The following P4HTM variants were observed in gnomAD, a reference collection of about 807,000 sequenced individuals.
The protein encoded by P4HTM is prolyl 4-hydroxylase, transmembrane, also known as transmembrane prolyl 4-hydroxylase.
In P4HTM, 33 loss-of-function variants were observed where a neutral mutation model predicts 55.3. The observed-to-expected ratio is 0.60, with a 90% CI of 0.45 to 0.80. The LOEUF is 0.80. Ranked by LOEUF, P4HTM falls within the 30% of genes least tolerant of loss-of-function variation. The probability of loss-of-function intolerance (pLI) is 0.00; values close to 1 mark genes in which losing one functional copy is unlikely to be tolerated. For synonymous variants in P4HTM, 272 were observed against 286.4 expected (o/e 0.95, Z 0.51); for missense variants, 542 against 696.5 (o/e 0.78, Z 2.50).
chr3:49,001,178 G>A, intron 2 of P4HTM: 1 of 519,462 alleles, frequency 1.9e-6, no homozygotes, highest in Non-Finnish European at 3.5e-6. Context: ...GGTTAGCTCT[G>A]GCTCACCTCC....
Position 49,002,118 on chromosome 3 carries a change from A to G in P4HTM, c.628-382A>G, listed in dbSNP as rs1299892800. ...GGTCTTTCTGAGGGATCTGGTGGTCATGCCCTAACCAGGTCTCCCCCTGGT... is the reference window on the plus strand; with the variant it reads ...GGTCTTTCTGAGGGATCTGGTGGTCGTGCCCTAACCAGGTCTCCCCCTGGT... On this transcript the variant is annotated intron_variant, in intron 3 of 8. Coordinates refer to ENST00000383729, the MANE Select transcript of P4HTM (RefSeq NM_177939.3). This position sits in a 1 kb window ranked among gnomAD's most constrained non-coding sequence, Gnocchi z 4.4. 3.3e-5 allele frequency among the ~76,000 whole-genome samples: 5 copies of G among 152,186 alleles called. No individual in the cohort carries two copies. The highest frequency in any genetic ancestry group is 7.4e-5 in the Non-Finnish European group (5 of 68,024).
intron 6 of P4HTM, 112 bp from the exon 7 acceptor site, chr3:49,005,665 A>G: frequency 6.8e-7 from 1 of 1,477,262 alleles, no homozygotes; most frequent in Non-Finnish European, 9.0e-7. Flanking sequence ...CTCCCATCCT[A>G]GTCTGTCCTG....
intron 2 of P4HTM, chr3:49,000,943 T>C (rs1299740442): frequency 9.6e-6 from 2 of 208,394 alleles, no homozygotes; most frequent in African/African-American, 2.3e-5. Flanking sequence ...CACCCATCTT[T>C]GCAGGAAATT....
At chr3:48,995,318 A>C (rs1211591035) in intron 2 of P4HTM, among the ~76,000 whole-genome samples, 4 of 152,146 alleles carry the variant, frequency 2.6e-5, no homozygotes, top group African/African-American at 9.7e-5. Flanking sequence ...CTCTTCCCAC[A>C]GAGCGTGCCT....
Position 49,001,607 on chromosome 3 carries a change from T to C in P4HTM, c.606T>C (p.Asp202=), listed in dbSNP as rs2092961532. 6.2e-7 allele frequency: 1 copy of C among 1,611,762 alleles called. No individual in the cohort carries two copies. The highest frequency in any genetic ancestry group is 1.3e-5 in the African/African-American group (1 of 74,906). The part of the protein sequence containing the change: ...DLFRLLDQNR[D]GHLQLREVLA... ...TCCGGCTGCTGGACCAGAACCGTGA[T>C]GGGCACCTTCAGCTCCGTGAGGTTG... The change falls in exon 3 of 9, where the codon GAT becomes GAC. Residue 202 remains aspartate, a synonymous_variant. Transcript: ENST00000383729.
At position 48,999,199 on chromosome 3, in the gene P4HTM, G is replaced by T. The variant is rs977217225; in HGVS notation, c.437-2239G>T. 6.6e-6 allele frequency: 1 copy of T among 152,176 alleles called. No individual in the cohort carries two copies. Among genetic ancestry groups the T allele is most frequent in the Admixed American group, 6.5e-5 (1 of 15,284 alleles). The allele number at this position is 152,176 out of a possible 1,614,324, so 9.4% of individuals were successfully genotyped here. On this transcript the variant is annotated intron_variant, in intron 2 of 8. Coordinates refer to ENST00000383729, the MANE Select transcript of P4HTM (RefSeq NM_177939.3). This position sits in a 1 kb window ranked among gnomAD's most constrained non-coding sequence, Gnocchi z 4.8. ...CTGAAGACCTGAGCCACCAGAGCAG[G>T]GCCCTGAGGGAGCCCTCCAGGGCCC...
intron 2 of P4HTM, among the ~76,000 whole-genome samples, chr3:48,994,733 C>G (rs1472383893): frequency 2.0e-5 from 3 of 152,204 alleles, no homozygotes; most frequent in Non-Finnish European, 2.9e-5. Context: ...TGTCCTACCC[C>G]ACCCCACACT....
chr3:49,006,257 C>T lies in P4HTM; in HGVS notation c.1288+70C>T, dbSNP rs1003385408. 4 of 1,525,466 alleles carry T rather than the reference C, an allele frequency of 2.6e-6. No individual in the cohort carries two copies. The Admixed American group carries it at 7.3e-5, about 28-fold the overall frequency. 94.5% of individuals were successfully genotyped at this position (1,525,466 alleles called of 1,614,324 possible). ...CTTCCCTTTACCCAGCCCCCGTCTG[C>T]CACAATGGAGGGCTGTTTCTGGCTG... is the stretch of plus-strand genomic sequence containing the variant. On this transcript the variant is annotated intron_variant, in intron 8 of 8. Coordinates refer to ENST00000383729, the MANE Select transcript of P4HTM (RefSeq NM_177939.3).
At chr3:48,994,440 G>A (rs747167681) in intron 2 of P4HTM, among the ~76,000 whole-genome samples, 5 of 152,200 alleles carry the variant, frequency 3.3e-5, no homozygotes, top group East Asian at 1.9e-4. Flanking sequence ...GGAAGACCCC[G>A]TGCAGCCCCC....
In P4HTM at chr3:49,001,442, C is replaced by A; in HGVS notation, c.441C>A (p.Ile147=). The change falls in exon 3 of 9, where the codon ATC becomes ATA. Residue 147 remains isoleucine, a synonymous_variant. Coordinates refer to ENST00000383729, the MANE Select transcript of P4HTM (RefSeq NM_177939.3). ...ACCCACCTCCTCTTCTGGCAGAAAT[C>A]CCCGGCTTCCTGACTGATGAAGAGT... ...TLSLKPLLFE[I]PGFLTDEECR... 6.2e-7 allele frequency: 1 copy of A among 1,613,770 alleles called. No individual in the cohort carries two copies. The highest frequency in any genetic ancestry group is 8.5e-7 in the Non-Finnish European group (1 of 1,180,022).
intron 2 of P4HTM, among the ~76,000 whole-genome samples, chr3:49,000,359 G>A (rs2092957632): frequency 6.6e-6 from 1 of 152,094 alleles, no homozygotes; most frequent in African/African-American, 2.4e-5. Context: ...AGACCAGCCT[G>A]GGCAATATAG....
chr3:49,004,797 G>A, intron 5 of P4HTM, 64 bp from the exon 6 acceptor site: 3 of 1,538,114 alleles, frequency 2.0e-6, no homozygotes, highest in Admixed American at 1.8e-5. Flanking sequence ...GGTCCACCTT[G>A]GCCAGCTCCT....
In P4HTM at chr3:49,002,989, G is replaced by A. The variant is rs936105480; in HGVS notation, c.724+393G>A. ...TCCATCCATCTCTCCAGCCAGACAC[G>A]AGGTCCACCCCAGCAGACAGCTTCC... On this transcript the variant is annotated intron_variant, in intron 4 of 8. Coordinates refer to ENST00000383729, the MANE Select transcript of P4HTM (RefSeq NM_177939.3). The surrounding 1 kb of genome is among the most constrained non-coding windows in gnomAD (Gnocchi z 4.4). 1.7e-5 allele frequency: 6 copies of A among 354,668 alleles called. No individual in the cohort carries two copies. In the Admixed American group the frequency reaches 2.0e-4, roughly 12 times the overall value. 22.0% of individuals were successfully genotyped at this position (354,668 alleles called of 1,614,324 possible).
In P4HTM at chr3:49,002,944, A is replaced by C. The variant is rs1029532865; in HGVS notation, c.724+348A>C. ...GCAAGGCGACAGTGAGGCCAGCTAG[A>C]GCTTGGCTGTTTACCCTGCTCCATC... On this transcript the variant is annotated intron_variant, in intron 4 of 8. Transcript: ENST00000383729. The surrounding 1 kb of genome is among the most constrained non-coding windows in gnomAD (Gnocchi z 4.4). The C allele has an allele frequency of 5.1e-6, 2 of 389,866 alleles. No individual in the cohort carries two copies. Among genetic ancestry groups the C allele is most frequent in the Admixed American group, 3.6e-5 (1 of 27,474 alleles). 24.2% of individuals were successfully genotyped at this position (389,866 alleles called of 1,614,324 possible).
chr3:48,990,664 A>G lies in P4HTM; in HGVS notation c.354+54A>G. The G allele has an allele frequency of 6.7e-7, 1 of 1,485,002 alleles. No individual in the cohort carries two copies. Among genetic ancestry groups the G allele is most frequent in the Non-Finnish European group, 9.0e-7 (1 of 1,116,772 alleles). The allele number at this position is 1,485,002 out of a possible 1,614,324, so 92.0% of individuals were successfully genotyped here. A position where few individuals can be genotyped will look rare whatever the true frequency, so the allele number is the denominator to read the frequency against. ...CAGGCCCTGCACGGCTGAGCCCGAG[A>G]GGACCGGCGCTCAGCCCGGGTCCCC... On this transcript the variant is annotated intron_variant, in intron 1 of 8. Coordinates refer to ENST00000383729, the MANE Select transcript of P4HTM (RefSeq NM_177939.3). The surrounding 1 kb of genome is among the most constrained non-coding windows in gnomAD (Gnocchi z 7.2).
chr3:48,992,812 T>C (rs1283948241), intron 2 of P4HTM, among the ~76,000 whole-genome samples: 1 of 150,750 alleles, frequency 6.6e-6, no homozygotes, highest in Non-Finnish European at 1.5e-5. Flanking sequence ...ATTACAGGCA[T>C]GCGCCACCAC....
At chr3:48,995,996 T>A (rs1278779573) in intron 2 of P4HTM, 2 of 152,220 alleles carry the variant, frequency 1.3e-5, no homozygotes, top group African/African-American at 4.8e-5. Flanking sequence ...CTTGGCACCC[T>A]CTTCAAAGGC....
At chr3:48,992,758 C>T (rs1366198687) in intron 2 of P4HTM, among the ~76,000 whole-genome samples, 7 of 147,628 alleles carry the variant, frequency 4.7e-5, no homozygotes, top group Non-Finnish European at 7.4e-5. Context: ...CTCCGCCTTC[C>T]GGGTTCAAGT....
Position 49,006,937 on chromosome 3 carries a change from G to A in P4HTM, c.*30G>A, listed in dbSNP as rs1352869717. 3.8e-6 allele frequency: 6 copies of A among 1,573,072 alleles called. No individual in the cohort carries two copies. The highest frequency in any genetic ancestry group is 1.4e-5 in the African/African-American group (1 of 73,926). On this transcript the variant is annotated 3_prime_UTR_variant, in exon 9 of 9. Coordinates refer to ENST00000383729, the MANE Select transcript of P4HTM (RefSeq NM_177939.3). The stretch of plus-strand genomic sequence containing the variant: ...AGAGTTAGCCCCGGTTCCCAGCCGC[G>A]GGTCGCCAGTTGCCCAAGATCAGGG...
Sources: gnomAD v4.1 joint callset for allele counts (sites outside exome capture counted in the v4.1 genomes callset) on GRCh38, gnomAD v4.1.1 for gene constraint, Gnocchi (gnomAD v3.1) non-coding constraint, MANE v1.5 for transcripts, NCBI Gene and HGNC (gene_info 2026-07-23, HGNC 2026-07-21) for gene names.